The following NEGR1 variants were observed in gnomAD, a reference collection of about 807,000 sequenced individuals.
NEGR1 encodes the protein IgLON family member 4.
In NEGR1, 10 loss-of-function variants were observed where a neutral mutation model predicts 40.9. The ratio of observed to expected loss-of-function variants is 0.24; its 90% confidence interval spans 0.15 to 0.42. The LOEUF (loss-of-function observed/expected upper bound fraction) is 0.42. Ranked by LOEUF, NEGR1 falls within the 10% of genes least tolerant of loss-of-function variation. NEGR1 has a pLI of 1.00. For synonymous variants in NEGR1, 185 were observed against 166.8 expected (o/e 1.11, Z -0.84); for missense variants, 352 against 438.9 (o/e 0.80, Z 1.77).
chr1:71,688,868 C>A (rs1025901649), intron 4 of NEGR1, among the ~76,000 whole-genome samples: 1 of 152,084 alleles, frequency 6.6e-6, no homozygotes, highest in Non-Finnish European at 1.5e-5. Flanking sequence ...AGCTCACAAC[C>A]AATCTTTAAG....
intron 4 of NEGR1, among the ~76,000 whole-genome samples, chr1:71,682,120 T>C (rs1652859193): frequency 6.6e-6 from 1 of 152,086 alleles, no homozygotes; most frequent in Non-Finnish European, 1.5e-5. Flanking sequence ...AGCCACCACA[T>C]CCAGCCACAT....
rs531945272 is a variant in NEGR1, at chr1:71,404,167, T to A, written c.*3279A>T. The A allele has an allele frequency of 4.7e-3, 736 of 155,254 alleles. 7 individuals are homozygous for A. The highest frequency in any genetic ancestry group is 0.016 in the African/African-American group (642 of 41,406). 9.6% of individuals were successfully genotyped at this position (155,254 alleles called of 1,614,324 possible). On this transcript the variant is annotated 3_prime_UTR_variant, in exon 7 of 7. Transcript: ENST00000357731. ...AGGGGTATTTATATATATATATATT[T>A]TTTTTTTTCCCTGAATTACCTGGGT...
intron 1 of NEGR1, among the ~76,000 whole-genome samples, chr1:72,148,734 G>T (rs1182046519): frequency 6.6e-6 from 1 of 152,106 alleles, no homozygotes; most frequent in East Asian, 1.9e-4. Context: ...GCAAAATGCC[G>T]CCAGTCTCTT....
intron 3 of NEGR1, among the ~76,000 whole-genome samples, chr1:71,774,592 T>A (rs184659726): frequency 6.6e-6 from 1 of 152,282 alleles, no homozygotes; most frequent in Admixed American, 6.5e-5. Flanking sequence ...AAATACATGT[T>A]TCAATTGTGC....
At chr1:72,180,096 A>C (rs79164782) in intron 1 of NEGR1, among the ~76,000 whole-genome samples, 1 of 151,898 alleles carries the variant, frequency 6.6e-6, no homozygotes, top group Non-Finnish European at 1.5e-5. Context: ...AGAAAGAAAA[A>C]GTTGGAGGCA....
In NEGR1 at chr1:71,423,821, CCA is replaced by C. The variant is rs1491116571; in HGVS notation, c.941-16253_941-16252del. Among the ~76,000 whole-genome samples the C allele has an allele frequency of 4.1e-3, 617 of 149,400 alleles. 7 individuals are homozygous for C. Among genetic ancestry groups the C allele is most frequent in the African/African-American group, 0.015 (596 of 40,638 alleles). On this transcript the variant is annotated intron_variant, in intron 6 of 6. Transcript: ENST00000357731. ...ATCATTATGACCAACTCCTCCTCACCCACCCCCCCTTTTTTTTTTTTCAAAAT... is the reference window on the plus strand; with the variant it reads ...ATCATTATGACCAACTCCTCCTCACCCCCCCCCTTTTTTTTTTTTCAAAAT...
At chr1:72,137,694 G>T (rs1475942884) in intron 1 of NEGR1, among the ~76,000 whole-genome samples, 2 of 151,968 alleles carry the variant, frequency 1.3e-5, no homozygotes, top group Non-Finnish European at 2.9e-5. Flanking sequence ...TAACAAACCT[G>T]CACATGTACC....
At chr1:71,559,621 A>G (rs533872959) in intron 6 of NEGR1, among the ~76,000 whole-genome samples, 1 of 151,734 alleles carries the variant, frequency 6.6e-6, no homozygotes, top group Non-Finnish European at 1.5e-5. Flanking sequence ...AGTTCCCAGA[A>G]AGGTCCTTTA....
At chr1:72,271,061 C>T (rs1655827698) in intron 1 of NEGR1, among the ~76,000 whole-genome samples, 2 of 151,844 alleles carry the variant, frequency 1.3e-5, no homozygotes, top group Non-Finnish European at 2.9e-5. Context: ...TTCAAGGTCA[C>T]ATAGCCAGTA....
intron 4 of NEGR1, among the ~76,000 whole-genome samples, chr1:71,660,304 A>G (rs1652013886): frequency 1.3e-5 from 2 of 152,132 alleles, no homozygotes; most frequent in African/African-American, 4.8e-5. Flanking sequence ...AGAAGGAAAC[A>G]ACACACATTG....
At chr1:71,804,685 C>T (rs1427168702) in intron 2 of NEGR1, among the ~76,000 whole-genome samples, 1 of 152,206 alleles carries the variant, frequency 6.6e-6, no homozygotes, top group Non-Finnish European at 1.5e-5. Flanking sequence ...TTACTTTAAT[C>T]TCTTAATCCC....
intron 4 of NEGR1, among the ~76,000 whole-genome samples, chr1:71,648,824 C>T (rs535300712): frequency 1.3e-5 from 2 of 152,136 alleles, no homozygotes; most frequent in East Asian, 3.9e-4. Flanking sequence ...TTACATGTCT[C>T]TCTCTGGCTT....
At position 72,043,420 on chromosome 1, in the gene NEGR1, T is replaced by C. The variant is rs76266396; in HGVS notation, c.177-108109A>G. ...CATACCATATAAGAATATATTAATATAAATATAAATATTTGAAGATACAGT... is the reference window on the plus strand; with the variant it reads ...CATACCATATAAGAATATATTAATACAAATATAAATATTTGAAGATACAGT... On this transcript the variant is annotated intron_variant, in intron 1 of 6. Transcript: ENST00000357731. 8.6e-4 allele frequency among the ~76,000 whole-genome samples: 131 copies of C among 151,760 alleles called. 3 individuals are homozygous for C. In the East Asian group the frequency reaches 0.024, roughly 28 times the overall value.
At chr1:71,904,475 A>G (rs1259545706) in intron 2 of NEGR1, among the ~76,000 whole-genome samples, 2 of 152,150 alleles carry the variant, frequency 1.3e-5, no homozygotes, top group Admixed American at 1.3e-4. Context: ...TGATAAAGTA[A>G]TATACACTTA....
intron 1 of NEGR1, among the ~76,000 whole-genome samples, chr1:72,226,858 T>G (rs1480602345): frequency 1.3e-5 from 2 of 152,056 alleles, no homozygotes; most frequent in African/African-American, 4.8e-5. Flanking sequence ...ATTCTGCAAC[T>G]TTAAAAATGG....
chr1:71,712,890 G>A (rs1053203933), intron 3 of NEGR1, among the ~76,000 whole-genome samples: 1 of 152,154 alleles, frequency 6.6e-6, no homozygotes, highest in African/African-American at 2.4e-5. Flanking sequence ...GCCACCATGT[G>A]AAGATGTGCT....
intron 1 of NEGR1, among the ~76,000 whole-genome samples, chr1:71,943,139 GTA>G (rs1266015922): frequency 2.6e-3 from 372 of 141,954 alleles, no homozygotes; most frequent in South Asian, 9.5e-3. Flanking sequence ...GTATGTGTGT[GTA>G]TATATATATA....
At chr1:71,804,155 G>A (rs1415838127) in intron 2 of NEGR1, among the ~76,000 whole-genome samples, 1 of 152,072 alleles carries the variant, frequency 6.6e-6, no homozygotes. Context: ...TATAAAGTTG[G>A]TATTCTATGT....
At chr1:71,806,851 C>T (rs1483059295) in intron 2 of NEGR1, among the ~76,000 whole-genome samples, 1 of 151,680 alleles carries the variant, frequency 6.6e-6, no homozygotes, top group Non-Finnish European at 1.5e-5. Context: ...TCCTAGCATA[C>T]CACACAAACT....
Sources: allele counts gnomAD v4.1 joint callset (sites outside exome capture counted in the v4.1 genomes callset), GRCh38; gene constraint gnomAD v4.1.1; transcripts MANE v1.5; gene names NCBI Gene and HGNC (gene_info 2026-07-23, HGNC 2026-07-21).